Variants in PTPRD observed in about 807,000 individuals in gnomAD.
The protein encoded by PTPRD is protein tyrosine phosphatase receptor type D.
Under a neutral mutation model 214.5 loss-of-function variants are expected in PTPRD, and 34 were observed. That is an observed-to-expected ratio of 0.16 (90% CI 0.12 to 0.21). The LOEUF (loss-of-function observed/expected upper bound fraction) is 0.21. Ranked by LOEUF, PTPRD falls within the 10% of genes least tolerant of loss-of-function variation. The pLI, the probability that PTPRD is intolerant of heterozygous loss-of-function variation, is 1.00. For missense variants in PTPRD, 2,545 were observed against 2,398.7 expected (o/e 1.06, Z -1.27); for synonymous variants, 1,128 against 845.7 (o/e 1.33, Z -5.79).
At chr9:9,414,379 C>G (rs758747595) in intron 8 of PTPRD, among the ~76,000 whole-genome samples, 7 of 152,164 alleles carry the variant, frequency 4.6e-5, no homozygotes, top group Non-Finnish European at 1.0e-4. Context: ...GAATTAAGGT[C>G]TTTGCATCAA....
At chr9:10,315,022 G>A (rs900013782) in intron 3 of PTPRD, among the ~76,000 whole-genome samples, 51 of 152,080 alleles carry the variant, frequency 3.4e-4, no homozygotes, top group African/African-American at 1.2e-3. Flanking sequence ...GTGAGAGGTA[G>A]TGGATAGAAA....
intron 8 of PTPRD, among the ~76,000 whole-genome samples, chr9:9,515,525 T>A (rs77982654): frequency 0.013 from 1,955 of 152,182 alleles, 43 homozygotes; most frequent in African/African-American, 0.044. Flanking sequence ...TCACTACATA[T>A]AAGAGAGAAT....
chr9:8,431,583 A>G (rs1431512906), intron 35 of PTPRD, among the ~76,000 whole-genome samples: 1 of 152,134 alleles, frequency 6.6e-6, no homozygotes, highest in East Asian at 1.9e-4. Context: ...TAAATATACT[A>G]GTCTATATGC....
chr9:9,658,910 T>C (rs1024839353), intron 7 of PTPRD, among the ~76,000 whole-genome samples: 2 of 152,120 alleles, frequency 1.3e-5, no homozygotes, highest in Admixed American at 1.3e-4. Context: ...AGAGCCTAGA[T>C]TTAAATCTGG....
At chr9:8,913,482 T>G (rs2098762354) in intron 11 of PTPRD, among the ~76,000 whole-genome samples, 1 of 152,136 alleles carries the variant, frequency 6.6e-6, no homozygotes, top group African/African-American at 2.4e-5. Flanking sequence ...CAAAGTATAT[T>G]ATTTACAGAT....
At chr9:8,505,977 T>C (rs1217885163) in intron 22 of PTPRD, among the ~76,000 whole-genome samples, 1 of 152,248 alleles carries the variant, frequency 6.6e-6, no homozygotes, top group African/African-American at 2.4e-5. Context: ...CTTTAAGTCA[T>C]ATCTGCATTT....
At chr9:9,831,931 C>G (rs764520912) in intron 5 of PTPRD, among the ~76,000 whole-genome samples, 1 of 151,770 alleles carries the variant, frequency 6.6e-6, no homozygotes, top group Non-Finnish European at 1.5e-5. Context: ...AAATGTGGAC[C>G]CAACCGCGAA....
chr9:9,468,366 G>C (rs1268819908), intron 8 of PTPRD, among the ~76,000 whole-genome samples: 1 of 151,912 alleles, frequency 6.6e-6, no homozygotes, highest in African/African-American at 2.4e-5. Flanking sequence ...TCTTTACTAA[G>C]ATATCTATGT....
chr9:10,208,437 C>G (rs1050324371), intron 3 of PTPRD, among the ~76,000 whole-genome samples: 1 of 152,190 alleles, frequency 6.6e-6, no homozygotes, highest in African/African-American at 2.4e-5. Flanking sequence ...GGGCGTGAAC[C>G]CGGGAGGCGG....
intron 4 of PTPRD, among the ~76,000 whole-genome samples, chr9:10,017,439 T>A (rs749483832): frequency 6.6e-6 from 1 of 152,154 alleles, no homozygotes; most frequent in African/African-American, 2.4e-5. Flanking sequence ...TTTATTGGTA[T>A]AAAATGTATT....
chr9:10,060,900 CTTTCTTTCTTTCTTTCTTTCTTT>C (rs1449706059), intron 3 of PTPRD, among the ~76,000 whole-genome samples: 11 of 37,352 alleles, frequency 2.9e-4, no homozygotes, highest in African/African-American at 2.2e-3. Context: ...TTCCTTCCTT[CTTTCTTTCTTTCTTTCTTTCTTT>C]CTTTCTTTCT....
At chr9:9,275,110 A>ATAT (rs1944703544) in intron 9 of PTPRD, among the ~76,000 whole-genome samples, 1 of 63,762 alleles carries the variant, frequency 1.6e-5, no homozygotes, top group Non-Finnish European at 2.8e-5. Flanking sequence ...ATAATATATT[A>ATAT]TATATATATT....
At chr9:10,564,171 C>CTTTTTGTTTTTTTTTTTTTTTTTTTT (rs2064914584) in intron 2 of PTPRD, among the ~76,000 whole-genome samples, 1 of 29,408 alleles carries the variant, frequency 3.4e-5, no homozygotes, top group Non-Finnish European at 5.5e-5. Context: ...CTAGGCTATT[C>CTTTTTGTTTTTTTTTTTTTTTTTTTT]TTTTTTTTTT....
At chr9:9,829,932 C>CAA (rs1018500941) in intron 5 of PTPRD, among the ~76,000 whole-genome samples, 3 of 151,698 alleles carry the variant, frequency 2.0e-5, no homozygotes, top group Non-Finnish European at 2.9e-5. Flanking sequence ...ATTCATTTAA[C>CAA]AAATTTTTAC....
intron 12 of PTPRD, among the ~76,000 whole-genome samples, chr9:8,697,166 A>T (rs747370761): frequency 5.9e-5 from 9 of 152,106 alleles, no homozygotes; most frequent in Non-Finnish European, 1.2e-4. Context: ...TAAGTAGTTG[A>T]TTGGAAATAA....
chr9:10,364,088 C>A (rs550372807), intron 2 of PTPRD, among the ~76,000 whole-genome samples: 4 of 146,096 alleles, frequency 2.7e-5, no homozygotes, highest in Non-Finnish European at 1.5e-5. Context: ...CAAGCTCCCC[C>A]TCCCGGGTTC....
chr9:10,131,381 G>GA, intron 3 of PTPRD, among the ~76,000 whole-genome samples: 1 of 152,260 alleles, frequency 6.6e-6, no homozygotes, highest in Non-Finnish European at 1.5e-5. Context: ...AACAAAGTAA[G>GA]AGAGTATTCA....
At chr9:10,603,091 C>A (rs541630837) in intron 2 of PTPRD, among the ~76,000 whole-genome samples, 1 of 151,754 alleles carries the variant, frequency 6.6e-6, no homozygotes, top group Non-Finnish European at 1.5e-5. Context: ...CGCCAAGAGG[C>A]TGTAGAGGTT....
At chr9:10,435,862 G>C (rs1174459203) in intron 2 of PTPRD, among the ~76,000 whole-genome samples, 1 of 151,820 alleles carries the variant, frequency 6.6e-6, no homozygotes, top group Non-Finnish European at 1.5e-5. Flanking sequence ...GAGTTTTCCA[G>C]TGGCTTATGG....
Sources: gnomAD v4.1 joint callset for allele counts (sites outside exome capture counted in the v4.1 genomes callset) on GRCh38, gnomAD v4.1.1 for gene constraint, MANE v1.5 for transcripts, NCBI Gene and HGNC (gene_info 2026-07-23, HGNC 2026-07-21) for gene names.